Variants in LTBP1 observed in about 807,000 individuals in gnomAD.
The protein encoded by LTBP1 is latent transforming growth factor beta binding protein 1, also known as latent-transforming growth factor beta-binding protein 1.
Under a neutral mutation model 207.6 loss-of-function variants are expected in LTBP1, and 129 were observed. That is an observed-to-expected ratio of 0.62 (90% CI 0.54 to 0.72). The LOEUF (loss-of-function observed/expected upper bound fraction) is 0.72. Among genes scored for constraint, LTBP1 ranks in the 30% least tolerant of loss-of-function variants. The pLI is 0.00. For missense variants in LTBP1, 2,281 were observed against 2,217.2 expected, an observed-to-expected ratio of 1.03 and a Z score of -0.58; for synonymous variants, 963 against 833.7, an observed-to-expected ratio of 1.16 and a Z score of -2.67.
At chr2:33,110,967 C>T (rs1008162315) in intron 4 of LTBP1, among the ~76,000 whole-genome samples, 4 of 152,072 alleles carry the variant, frequency 2.6e-5, no homozygotes, top group Non-Finnish European at 4.4e-5. Context: ...GAAATGAATC[C>T]GAAGTGACCT....
intron 3 of LTBP1, among the ~76,000 whole-genome samples, chr2:33,026,616 T>G (rs915430433): frequency 6.6e-6 from 1 of 152,126 alleles, no homozygotes; most frequent in African/African-American, 2.4e-5. Flanking sequence ...AAGGTTTTGA[T>G]CCTACTTTAT....
At chr2:33,313,620 C>T (rs73925680) in intron 23 of LTBP1, among the ~76,000 whole-genome samples, 4 of 152,154 alleles carry the variant, frequency 2.6e-5, no homozygotes, top group South Asian at 2.1e-4. Flanking sequence ...GATAGGAAAA[C>T]GACCTTAGTG....
intron 3 of LTBP1, among the ~76,000 whole-genome samples, chr2:33,026,085 A>G (rs1375646675): frequency 2.0e-5 from 3 of 152,228 alleles, no homozygotes; most frequent in Admixed American, 6.5e-5. Flanking sequence ...AGCTATGCCA[A>G]TAGTTAAACA....
At chr2:33,176,077 G>A (rs952775739) in intron 5 of LTBP1, among the ~76,000 whole-genome samples, 1 of 151,284 alleles carries the variant, frequency 6.6e-6, no homozygotes, top group Non-Finnish European at 1.5e-5. Context: ...AATGGGTGCA[G>A]CACACCAGCA....
intron 3 of LTBP1, among the ~76,000 whole-genome samples, chr2:33,086,363 G>C (rs1441975379): frequency 2.0e-5 from 3 of 152,204 alleles, no homozygotes; most frequent in African/African-American, 7.2e-5. Context: ...TTAGTTACCG[G>C]AACAGGGGTC....
chr2:33,296,451 T>TACCTGATGTGGCTC (rs2093876573), intron 20 of LTBP1, among the ~76,000 whole-genome samples: 1 of 152,134 alleles, frequency 6.6e-6, no homozygotes, highest in South Asian at 2.1e-4. Flanking sequence ...CCTCACTGCT[T>TACCTGATGTGGCTC]ACCTGATGTG....
rs373044079 is a variant in LTBP1, at chr2:33,306,209, CT to C, written c.3482-3221del. ...ATTTATAAACACTTTAAATAATGCT[CT>C]TTTCCCTCACATTCATTATTTGTCT... On this transcript the variant is annotated intron_variant, in intron 22 of 33. Transcript: ENST00000404816. Among the ~76,000 whole-genome samples the C allele has an allele frequency of 1.4e-4, 21 of 152,324 alleles. No homozygotes were observed. The East Asian group carries it at 2.3e-3, about 17-fold the overall frequency.
At chr2:33,022,331 G>C (rs779528726) in intron 3 of LTBP1, among the ~76,000 whole-genome samples, 1 of 134,182 alleles carries the variant, frequency 7.5e-6, no homozygotes, top group Admixed American at 8.6e-5. Context: ...TAATACTTCA[G>C]TTCTATTGTG....
chr2:33,077,807 T>C (rs2078168648), intron 3 of LTBP1, among the ~76,000 whole-genome samples: 1 of 152,208 alleles, frequency 6.6e-6, no homozygotes, highest in African/African-American at 2.4e-5. Context: ...AAAATCCTGT[T>C]GAAATTGTAA....
intron 5 of LTBP1, among the ~76,000 whole-genome samples, chr2:33,151,753 A>G (rs1439190369): frequency 6.6e-6 from 1 of 152,072 alleles, no homozygotes; most frequent in African/African-American, 2.4e-5. Context: ...ATAGAATAAT[A>G]GTCTCCAGTC....
At chr2:33,231,925 C>T (rs936397524) in intron 9 of LTBP1, among the ~76,000 whole-genome samples, 1 of 152,048 alleles carries the variant, frequency 6.6e-6, no homozygotes, top group African/African-American at 2.4e-5. Context: ...AACAGTAAGA[C>T]AGATTTTATT....
chr2:33,062,288 T>C (rs1347859123), intron 3 of LTBP1, among the ~76,000 whole-genome samples: 2 of 152,144 alleles, frequency 1.3e-5, no homozygotes, highest in Non-Finnish European at 2.9e-5. Flanking sequence ...ACAGTGTCTT[T>C]TGGTGAGCAG....
At position 33,182,695 on chromosome 2, in the gene LTBP1, T is replaced by TAC. The variant is rs756804273; in HGVS notation, c.1202-4160_1202-4159insCA. Among the ~76,000 whole-genome samples the TAC allele has an allele frequency of 1.0e-3, 85 of 84,654 alleles. 8 individuals are homozygous for TAC. Among genetic ancestry groups the TAC allele is most frequent in the Non-Finnish European group, 1.9e-3 (75 of 39,550 alleles). The allele number at this position is 84,654 out of a possible 152,430, so 55.5% of individuals were successfully genotyped here. A position where few individuals can be genotyped will look rare whatever the true frequency, so the allele number is the denominator to read the frequency against. ...AAAGAAGAAAAGATGGTGATATATA[T>TAC]ATATACACACACACACACACACACA... is the stretch of plus-strand genomic sequence containing the variant. On this transcript the variant is annotated intron_variant, in intron 5 of 33. Transcript: ENST00000404816.
At chr2:33,057,825 C>T (rs539651989) in intron 3 of LTBP1, among the ~76,000 whole-genome samples, 13 of 152,252 alleles carry the variant, frequency 8.5e-5, no homozygotes, top group Non-Finnish European at 1.5e-4. Flanking sequence ...CACCTCCCCG[C>T]AAGCCGAGGG....
At chr2:33,382,054 C>G (rs546253632) in intron 31 of LTBP1, among the ~76,000 whole-genome samples, 43 of 136,800 alleles carry the variant, frequency 3.1e-4, no homozygotes, top group African/African-American at 1.1e-3. Flanking sequence ...GCATCTACAG[C>G]AGTTAGCGCC....
rs185337877 is a variant in LTBP1, at chr2:33,085,754, T to G, written c.864-24828T>G. Among the ~76,000 whole-genome samples, 85 of 152,356 alleles carry G rather than the reference T, an allele frequency of 5.6e-4. 1 individual carries two copies. Among genetic ancestry groups the G allele is most frequent in the Admixed American group, 4.5e-3 (69 of 15,304 alleles). ...CAACCCACCCTCTAACTCCAAATTC[T>G]GTGTTCTTAGCTATGTTGCTGGGTT... On this transcript the variant is annotated intron_variant, in intron 3 of 33. Coordinates refer to ENST00000404816, the MANE Select transcript of LTBP1 (RefSeq NM_206943.4).
chr2:33,076,126 T>C (rs537466347), intron 3 of LTBP1, among the ~76,000 whole-genome samples: 8 of 152,288 alleles, frequency 5.3e-5, no homozygotes, highest in African/African-American at 1.7e-4. Context: ...TCTCAAATCA[T>C]TGAGGTTTAT....
chr2:33,064,317 A>C (rs2077401863), intron 3 of LTBP1, among the ~76,000 whole-genome samples: 1 of 152,248 alleles, frequency 6.6e-6, no homozygotes, highest in South Asian at 2.1e-4. Context: ...CATATTGTCA[A>C]GAACTGTGAA....
chr2:33,197,136 G>C (rs556399139), intron 7 of LTBP1, among the ~76,000 whole-genome samples: 2 of 152,182 alleles, frequency 1.3e-5, no homozygotes, highest in Non-Finnish European at 2.9e-5. Context: ...GAATTAGGCT[G>C]TCTATATAGG....
Sources: gnomAD v4.1 joint callset for allele counts (sites outside exome capture counted in the v4.1 genomes callset) on GRCh38, gnomAD v4.1.1 for gene constraint, MANE v1.5 for transcripts, NCBI Gene and HGNC (gene_info 2026-07-23, HGNC 2026-07-21) for gene names.